The following AKT3 variants were observed in gnomAD, a reference collection of about 807,000 sequenced individuals.
AKT3 encodes RAC-gamma serine/threonine-protein kinase.
A neutral mutation model predicts 65.3 loss-of-function variants in AKT3; 15 were observed. The observed-to-expected ratio is 0.23, with a 90% CI of 0.15 to 0.35. The LOEUF is 0.35. AKT3 is among the 10% of genes least tolerant of loss of function. The pLI is 1.00. For missense variants in AKT3, 243 were observed against 576.5 expected, an observed-to-expected ratio of 0.42 and a Z score of 5.92; for synonymous variants, 206 against 183.8, an observed-to-expected ratio of 1.12 and a Z score of -0.98.
intron 8 of AKT3, among the ~76,000 whole-genome samples, chr1:243,585,582 GC>G (rs1675738801): frequency 6.6e-6 from 1 of 151,974 alleles, no homozygotes; most frequent in Non-Finnish European, 1.5e-5. Context: ...CAGAAATAAA[GC>G]CAGCCACCTA....
intron 8 of AKT3, among the ~76,000 whole-genome samples, chr1:243,604,121 C>T (rs915180229): frequency 6.6e-6 from 1 of 152,110 alleles, no homozygotes; most frequent in Non-Finnish European, 1.5e-5. Context: ...TCTCAAACTC[C>T]TGGCCTCAGG....
At chr1:243,533,964 T>C (rs1671730776) in intron 12 of AKT3, among the ~76,000 whole-genome samples, 2 of 152,168 alleles carry the variant, frequency 1.3e-5, no homozygotes, top group Admixed American at 1.3e-4. Flanking sequence ...CACTCCAGCC[T>C]GGGCAACAGA....
chr1:243,506,776 C>G (rs1558574570), intron 13 of AKT3, among the ~76,000 whole-genome samples: 1 of 152,248 alleles, frequency 6.6e-6, no homozygotes, highest in Non-Finnish European at 1.5e-5. Context: ...ACCACTGTAA[C>G]TGCAGTCAGC....
intron 2 of AKT3, among the ~76,000 whole-genome samples, chr1:243,825,014 A>C (rs12127367): frequency 0.22 from 34,021 of 152,164 alleles, 4,124 homozygotes; most frequent in East Asian, 0.35. Context: ...AATGCCCATC[A>C]ATGATAGACT....
At chr1:243,657,545 T>C (rs1323699282) in intron 4 of AKT3, among the ~76,000 whole-genome samples, 1 of 152,164 alleles carries the variant, frequency 6.6e-6, no homozygotes, top group Non-Finnish European at 1.5e-5. Flanking sequence ...CTGAAAGGTT[T>C]AATATTGTTA....
chr1:243,623,262 C>T (rs756878745), intron 6 of AKT3, among the ~76,000 whole-genome samples: 6 of 152,144 alleles, frequency 3.9e-5, no homozygotes, highest in Non-Finnish European at 7.4e-5. Context: ...GACTGACTTC[C>T]AATAAAAACC....
intron 10 of AKT3, among the ~76,000 whole-genome samples, chr1:243,562,579 T>A (rs1380518390): frequency 6.6e-6 from 1 of 152,172 alleles, no homozygotes; most frequent in East Asian, 1.9e-4. Context: ...TTCTAATGTG[T>A]TCCCTAGGAC....
intron 1 of AKT3, among the ~76,000 whole-genome samples, chr1:243,846,062 T>C (rs900284207): frequency 6.6e-6 from 1 of 152,242 alleles, no homozygotes; most frequent in African/African-American, 2.4e-5. Context: ...CTACTTCATA[T>C]ATAGATGGCA....
chr1:243,593,417 G>A (rs758542098), intron 8 of AKT3, among the ~76,000 whole-genome samples: 3 of 152,106 alleles, frequency 2.0e-5, no homozygotes, highest in Non-Finnish European at 4.4e-5. Context: ...AAGAAAGCCG[G>A]GCACAGTGTC....
intron 2 of AKT3, among the ~76,000 whole-genome samples, chr1:243,730,950 C>T (rs1440691101): frequency 6.6e-6 from 1 of 152,212 alleles, no homozygotes; most frequent in African/African-American, 2.4e-5. Flanking sequence ...CTCTCTCACA[C>T]ACCCTTCAGT....
chr1:243,535,229 A>G (rs1374744389), intron 12 of AKT3, among the ~76,000 whole-genome samples: 1 of 150,286 alleles, frequency 6.7e-6, no homozygotes, highest in Non-Finnish European at 1.5e-5. Flanking sequence ...ATATTTTAAA[A>G]ATTTCAATAG....
At chr1:243,619,252 C>A (rs944723134) in intron 6 of AKT3, among the ~76,000 whole-genome samples, 3 of 152,032 alleles carry the variant, frequency 2.0e-5, no homozygotes, top group Admixed American at 2.0e-4. Flanking sequence ...TAGTTGTATA[C>A]ATTTTCGGGG....
At chr1:243,583,821 G>C (rs1490104783) in intron 8 of AKT3, among the ~76,000 whole-genome samples, 1 of 152,062 alleles carries the variant, frequency 6.6e-6, no homozygotes, top group African/African-American at 2.4e-5. Context: ...AGCAAAAGCA[G>C]TGTTAAGAGG....
intron 2 of AKT3, among the ~76,000 whole-genome samples, chr1:243,764,038 C>T (rs1441138294): frequency 1.3e-5 from 2 of 151,850 alleles, no homozygotes; most frequent in Admixed American, 6.6e-5. Context: ...ATTTCACTGC[C>T]GATATTTCTG....
chr1:243,767,383 G>A (rs1689896971), intron 2 of AKT3, among the ~76,000 whole-genome samples: 1 of 152,140 alleles, frequency 6.6e-6, no homozygotes, highest in Non-Finnish European at 1.5e-5. Flanking sequence ...GTTTTATCAT[G>A]CCTATGGTTT....
chr1:243,841,012 G>A (rs939346782), intron 2 of AKT3, among the ~76,000 whole-genome samples: 18 of 152,026 alleles, frequency 1.2e-4, no homozygotes, highest in Non-Finnish European at 2.1e-4. Context: ...AAAAGATAGG[G>A]AGATTTTTAT....
intron 2 of AKT3, among the ~76,000 whole-genome samples, chr1:243,790,769 C>A (rs908517899): frequency 1.3e-5 from 2 of 152,080 alleles, no homozygotes; most frequent in African/African-American, 4.8e-5. Context: ...CATGTAGAGG[C>A]CATTTTAGGG....
chr1:243,823,588 C>G (rs774828005), intron 2 of AKT3, among the ~76,000 whole-genome samples: 6 of 152,150 alleles, frequency 3.9e-5, no homozygotes, highest in Non-Finnish European at 8.8e-5. Flanking sequence ...GATATAAAAT[C>G]AATGTGTAAA....
At chr1:243,497,827 C>T (rs145507912), downstream of AKT3, among the ~76,000 whole-genome samples, 4 of 152,202 alleles carry the variant, frequency 2.6e-5, no homozygotes, top group Middle Eastern at 3.4e-3. Flanking sequence ...TACAGGGGTG[C>T]GCCACCACAC....
Sources: gnomAD v4.1 joint callset for allele counts (sites outside exome capture counted in the v4.1 genomes callset) on GRCh38, gnomAD v4.1.1 for gene constraint, MANE v1.5 for transcripts, NCBI Gene and HGNC (gene_info 2026-07-23, HGNC 2026-07-21) for gene names.